The following CNTNAP2 variants were observed in gnomAD, a reference collection of about 807,000 sequenced individuals.
CNTNAP2 encodes the protein contactin-associated protein-like 2.
Under a neutral mutation model 155.2 loss-of-function variants are expected in CNTNAP2, and 98 were observed. That is an observed-to-expected ratio of 0.63 (90% confidence interval 0.54 to 0.75). The LOEUF (loss-of-function observed/expected upper bound fraction) is 0.75, where lower values mean the gene tolerates loss of function less well. Among genes scored for constraint, CNTNAP2 ranks in the 30% least tolerant of loss-of-function variants. The pLI, the probability that CNTNAP2 is intolerant of heterozygous loss-of-function variation, is 0.00. For missense variants in CNTNAP2, 1,727 were observed against 1,688.1 expected (o/e 1.02, Z -0.40); for synonymous variants, 651 against 631.2 (o/e 1.03, Z -0.47).
chr7:147,631,627 A>G (rs1371271092), intron 12 of CNTNAP2, among the ~76,000 whole-genome samples: 2 of 152,204 alleles, frequency 1.3e-5, no homozygotes, highest in African/African-American at 4.8e-5. Flanking sequence ...TGGTGTAAAA[A>G]TAGGCAAGTA....
chr7:147,780,021 C>T (rs1258090423), intron 13 of CNTNAP2, among the ~76,000 whole-genome samples: 2 of 152,140 alleles, frequency 1.3e-5, no homozygotes, highest in East Asian at 3.8e-4. Context: ...ATCATTTTTT[C>T]ACATACCTTG....
intron 14 of CNTNAP2, among the ~76,000 whole-genome samples, chr7:147,922,651 G>A (rs2116783022): frequency 6.6e-6 from 1 of 152,298 alleles, no homozygotes; most frequent in South Asian, 2.1e-4. Flanking sequence ...AGTCCACAGA[G>A]TCTAAAGACC....
At chr7:148,228,372 T>A (rs966730392) in intron 19 of CNTNAP2, among the ~76,000 whole-genome samples, 1 of 152,166 alleles carries the variant, frequency 6.6e-6, no homozygotes, top group Admixed American at 6.5e-5. Flanking sequence ...AAAAAAAGAA[T>A]ATACTGTTGA....
At chr7:146,753,902 A>G (rs1416119721) in intron 1 of CNTNAP2, among the ~76,000 whole-genome samples, 1 of 152,032 alleles carries the variant, frequency 6.6e-6, no homozygotes, top group African/African-American at 2.4e-5. Flanking sequence ...CTATATGAAG[A>G]TTCAACCTAT....
intron 1 of CNTNAP2, among the ~76,000 whole-genome samples, chr7:146,151,056 G>A (rs1275770057): frequency 6.6e-6 from 1 of 152,046 alleles, no homozygotes; most frequent in African/African-American, 2.4e-5. Flanking sequence ...GTGTGTGAGA[G>A]TGCAGGAAAA....
intron 3 of CNTNAP2, among the ~76,000 whole-genome samples, chr7:146,897,836 T>C (rs1489468296): frequency 1.3e-5 from 2 of 152,124 alleles, no homozygotes; most frequent in Non-Finnish European, 2.9e-5. Flanking sequence ...TTTAATGTGT[T>C]TTTTTAAAAA....
chr7:147,373,468 T>C (rs1796382934), intron 9 of CNTNAP2, among the ~76,000 whole-genome samples: 1 of 152,130 alleles, frequency 6.6e-6, no homozygotes, highest in Admixed American at 6.6e-5. Flanking sequence ...TTTCATACTT[T>C]TTACTTCAAA....
intron 4 of CNTNAP2, among the ~76,000 whole-genome samples, chr7:147,089,181 A>G (rs1453901410): frequency 6.6e-6 from 1 of 152,168 alleles, no homozygotes; most frequent in Non-Finnish European, 1.5e-5. Flanking sequence ...CCCTGCAGAG[A>G]GAATTATCTG....
intron 21 of CNTNAP2, among the ~76,000 whole-genome samples, chr7:148,291,298 AAT>A (rs34441877): frequency 6.9e-5 from 9 of 131,344 alleles, no homozygotes; most frequent in South Asian, 2.2e-4. Flanking sequence ...ATATATATAT[AAT>A]ATATATATAT....
intron 13 of CNTNAP2, among the ~76,000 whole-genome samples, chr7:147,890,421 G>A (rs1367147008): frequency 6.6e-6 from 1 of 152,148 alleles, no homozygotes; most frequent in Non-Finnish European, 1.5e-5. Flanking sequence ...ACCATTATGA[G>A]AAACAGCATA....
chr7:146,972,092 C>T (rs1477384049), intron 3 of CNTNAP2, among the ~76,000 whole-genome samples: 1 of 151,990 alleles, frequency 6.6e-6, no homozygotes, highest in African/African-American at 2.4e-5. Flanking sequence ...GACAAGATAA[C>T]CAGCTACAAT....
chr7:147,351,156 T>A (rs1438616471), intron 9 of CNTNAP2, among the ~76,000 whole-genome samples: 1 of 151,832 alleles, frequency 6.6e-6, no homozygotes, highest in African/African-American at 2.4e-5. Flanking sequence ...TGGGTAAAAG[T>A]CACTGTTTTT....
intron 3 of CNTNAP2, among the ~76,000 whole-genome samples, chr7:146,847,656 C>T (rs773682775): frequency 5.3e-5 from 8 of 152,158 alleles, no homozygotes; most frequent in Non-Finnish European, 7.4e-5. Flanking sequence ...TTTATAATAA[C>T]GTTTTTCTAT....
chr7:146,817,502 T>G (rs1006382131), intron 2 of CNTNAP2, among the ~76,000 whole-genome samples: 7 of 151,822 alleles, frequency 4.6e-5, no homozygotes, highest in African/African-American at 1.5e-4. Context: ...CTGGGTAATT[T>G]ATATAAAATA....
chr7:148,129,922 T>A (rs147472463), intron 16 of CNTNAP2, among the ~76,000 whole-genome samples: 132 of 152,296 alleles, frequency 8.7e-4, no homozygotes, highest in African/African-American at 3.0e-3. Flanking sequence ...GGGAGGGATG[T>A]GCCACAATAA....
chr7:147,090,831 C>T (rs1220090557), intron 4 of CNTNAP2, among the ~76,000 whole-genome samples: 5 of 151,946 alleles, frequency 3.3e-5, no homozygotes, highest in Admixed American at 1.3e-4. Flanking sequence ...TCCAGTCACC[C>T]GTGAAAGCGT....
intron 3 of CNTNAP2, among the ~76,000 whole-genome samples, chr7:146,997,501 G>A (rs1277768267): frequency 6.6e-6 from 1 of 152,072 alleles, no homozygotes; most frequent in Non-Finnish European, 1.5e-5. Context: ...TCAAACCTAT[G>A]TTCATCAGGA....
intron 3 of CNTNAP2, among the ~76,000 whole-genome samples, chr7:146,899,951 G>A (rs1374664367): frequency 6.6e-6 from 1 of 152,174 alleles, no homozygotes; most frequent in Non-Finnish European, 1.5e-5. Context: ...AGTGATTGTT[G>A]AAGGTGGAAA....
rs187690247 is a variant in CNTNAP2 at position 146,559,543 on chromosome 7, T to C, written c.98-214728T>C. ...GAGATCACGCCACTGCACTCCAGCC[T>C]GGCAACAGAGCAACACTCTGTCTCA... On this transcript the variant is annotated intron_variant, in intron 1 of 23. Coordinates refer to ENST00000361727, the MANE Select transcript of CNTNAP2 (RefSeq NM_014141.6). Among the ~76,000 whole-genome samples the C allele has an allele frequency of 4.6e-3, 699 of 152,092 alleles. 5 individuals carry two copies. Among genetic ancestry groups the C allele is most frequent in the African/African-American group, 0.016 (652 of 41,482 alleles).
Sources: allele counts gnomAD v4.1 joint callset (sites outside exome capture counted in the v4.1 genomes callset), GRCh38; gene constraint gnomAD v4.1.1; transcripts MANE v1.5; gene names NCBI Gene and HGNC (gene_info 2026-07-23, HGNC 2026-07-21).